DYM: variants seen among roughly 807,000 people sequenced by gnomAD.
DYM encodes the protein dymeclin.
A neutral mutation model predicts 93.1 loss-of-function variants in DYM; 78 were observed. That is an observed-to-expected ratio of 0.84 (90% CI 0.70 to 1.01). The LOEUF is 1.01. Among genes scored for constraint, DYM ranks in the 50% least tolerant of loss-of-function variants. DYM has a pLI of 0.00. For missense variants in DYM, 789 were observed against 845.0 expected, an observed-to-expected ratio of 0.93 and a Z score of 0.82; for synonymous variants, 321 against 319.7, an observed-to-expected ratio of 1.00 and a Z score of -0.04.
At chr18:49,424,693 A>C (rs901949440) in intron 2 of DYM, among the ~76,000 whole-genome samples, 1 of 152,210 alleles carries the variant, frequency 6.6e-6, no homozygotes, top group Non-Finnish European at 1.5e-5. Context: ...ACTTCAGCAA[A>C]GTCTCAGGAT....
At chr18:49,303,741 A>G (rs532259968) in intron 8 of DYM, among the ~76,000 whole-genome samples, 1 of 152,378 alleles carries the variant, frequency 6.6e-6, no homozygotes, top group South Asian at 2.1e-4. Flanking sequence ...CTATATTCAT[A>G]CAAATGAATG....
chr18:49,365,507 G>A (rs1460636856), intron 5 of DYM, among the ~76,000 whole-genome samples: 1 of 152,090 alleles, frequency 6.6e-6, no homozygotes, highest in East Asian at 1.9e-4. Flanking sequence ...CATTGCCAAG[G>A]CTGTCCAACA....
intron 11 of DYM, among the ~76,000 whole-genome samples, chr18:49,261,270 C>T (rs2094485182): frequency 6.6e-6 from 1 of 152,202 alleles, no homozygotes; most frequent in Admixed American, 6.5e-5. Context: ...CCAGCATCCC[C>T]CATTACAAAT....
intron 8 of DYM, among the ~76,000 whole-genome samples, chr18:49,303,615 G>A (rs543470134): frequency 3.3e-4 from 50 of 152,264 alleles, no homozygotes; most frequent in Middle Eastern, 6.8e-3. Context: ...GTGCAGTGAG[G>A]TAAGGCTGAA....
At chr18:49,395,555 G>A (rs2069958255) in intron 2 of DYM, among the ~76,000 whole-genome samples, 1 of 152,074 alleles carries the variant, frequency 6.6e-6, no homozygotes, top group African/African-American at 2.4e-5. Flanking sequence ...CTTGAAACTG[G>A]GAGGCAGAGG....
At chr18:49,148,780 T>C (rs1020062585) in intron 15 of DYM, among the ~76,000 whole-genome samples, 2 of 152,106 alleles carry the variant, frequency 1.3e-5, no homozygotes, top group Non-Finnish European at 2.9e-5. Flanking sequence ...CATTACCTTG[T>C]TAGGGGTCTG....
intron 7 of DYM, 113 bp from the exon 8 acceptor site, chr18:49,332,119 A>T: frequency 8.9e-7 from 1 of 1,118,926 alleles, no homozygotes; most frequent in African/African-American, 1.5e-5. Flanking sequence ...CAAAAGGGCT[A>T]TTGGCACAAC....
At position 49,115,311 on chromosome 18, in the gene DYM, G is replaced by GA. The variant is rs554081463; in HGVS notation, c.1911+3432dup. 2.5e-4 allele frequency among the ~76,000 whole-genome samples: 37 copies of GA among 147,330 alleles called. No homozygotes were observed. The Middle Eastern group carries it at 0.014, about 56-fold the overall frequency. On this transcript the variant is annotated intron_variant, in intron 16 of 17. Coordinates refer to ENST00000675505, the MANE Select transcript of DYM (RefSeq NM_001353214.3). ...CAGCTACTGCAGCTATGACCACAGG[G>GA]AAAAAAAAAAATCTCTGGTTTAGTC...
At chr18:49,247,713 A>G (rs531833531) in intron 13 of DYM, among the ~76,000 whole-genome samples, 1 of 152,350 alleles carries the variant, frequency 6.6e-6, no homozygotes, top group African/African-American at 2.4e-5. Flanking sequence ...AATTAAACCA[A>G]TTATGAAGTT....
chr18:49,190,289 G>C (rs1175913636), intron 14 of DYM, among the ~76,000 whole-genome samples: 1 of 152,164 alleles, frequency 6.6e-6, no homozygotes, highest in Non-Finnish European at 1.5e-5. Context: ...TACTACATTG[G>C]TTTTTCTTTT....
chr18:49,209,849 G>A, intron 13 of DYM, 134 bp from the exon 14 acceptor site: 3 of 471,178 alleles, frequency 6.4e-6, no homozygotes, highest in Admixed American at 5.2e-5. Context: ...AAAACTGTCA[G>A]AATAAAAAGT....
At chr18:49,094,333 G>A (rs1395145267) in intron 17 of DYM, among the ~76,000 whole-genome samples, 1 of 152,172 alleles carries the variant, frequency 6.6e-6, no homozygotes, top group Admixed American at 6.5e-5. Context: ...ATGCCCTGTT[G>A]TGGATACAGA....
At chr18:49,251,069 T>C (rs1568104030) in intron 13 of DYM, among the ~76,000 whole-genome samples, 1 of 152,222 alleles carries the variant, frequency 6.6e-6, no homozygotes, top group Non-Finnish European at 1.5e-5. Context: ...TTCCCACTTC[T>C]GGCAATAACA....
At chr18:49,248,718 C>T (rs2094221444) in intron 13 of DYM, among the ~76,000 whole-genome samples, 1 of 151,760 alleles carries the variant, frequency 6.6e-6, no homozygotes, top group African/African-American at 2.4e-5. Flanking sequence ...AAGAGGACTT[C>T]AGCAGTGGTA....
intron 1 of DYM, among the ~76,000 whole-genome samples, chr18:49,447,037 C>T (rs1256498085): frequency 1.5e-5 from 2 of 137,892 alleles, no homozygotes; most frequent in African/African-American, 5.4e-5. Context: ...CCAGCCTGGG[C>T]AAGACAGAGG....
intron 16 of DYM, among the ~76,000 whole-genome samples, chr18:49,108,303 T>TCCAG (rs1275854981): frequency 2.0e-4 from 30 of 152,248 alleles, no homozygotes; most frequent in Non-Finnish European, 4.0e-4. Flanking sequence ...GTGCCGTCTG[T>TCCAG]CACCCCTTTC....
chr18:49,169,851 A>C (rs958190015), intron 14 of DYM, among the ~76,000 whole-genome samples: 2 of 152,202 alleles, frequency 1.3e-5, no homozygotes, highest in Admixed American at 1.3e-4. Context: ...AGTGAACAAG[A>C]CTAGAAACAG....
chr18:49,294,992 C>T (rs1163992708), intron 8 of DYM, among the ~76,000 whole-genome samples: 1 of 152,098 alleles, frequency 6.6e-6, no homozygotes, highest in African/African-American at 2.4e-5. Flanking sequence ...GGTCAATAGA[C>T]ACGTAATGAG....
chr18:49,351,318 T>C (rs1166809900), intron 6 of DYM, among the ~76,000 whole-genome samples: 2 of 151,626 alleles, frequency 1.3e-5, no homozygotes, highest in African/African-American at 4.8e-5. Context: ...TTGCAATGAG[T>C]CAAGATTGTG....
Sources: gnomAD v4.1 joint callset for allele counts (sites outside exome capture counted in the v4.1 genomes callset) on GRCh38, gnomAD v4.1.1 for gene constraint, MANE v1.5 for transcripts, NCBI Gene and HGNC (gene_info 2026-07-23, HGNC 2026-07-21) for gene names.